SHH: variants seen among roughly 807,000 people sequenced by gnomAD.
The protein encoded by SHH is sonic hedgehog protein.
Under a neutral mutation model 16.6 loss-of-function variants are expected in SHH, and 3 were observed. The ratio of observed to expected loss-of-function variants is 0.18; its 90% CI spans 0.08 to 0.47. The LOEUF (loss-of-function observed/expected upper bound fraction) is 0.47. Among genes scored for constraint, SHH ranks in the 20% least tolerant of loss-of-function variants. The pLI is 0.98. For synonymous variants in SHH, 351 were observed against 316.2 expected, an observed-to-expected ratio of 1.11 and a Z score of -1.17; for missense variants, 499 against 665.0, an observed-to-expected ratio of 0.75 and a Z score of 2.75.
At chr7:155,811,099 G>A (rs2117150090) in intron 1 of SHH, among the ~76,000 whole-genome samples, 1 of 151,584 alleles carries the variant, frequency 6.6e-6, no homozygotes, top group South Asian at 2.1e-4. Flanking sequence ...AAGGTACCTC[G>A]GGCTTGGAAG....
chr7:155,803,584 G>A lies in SHH; in HGVS notation c.705C>T (p.Tyr235=). ...GGTCCAGGAAAGTGAGGAAGTCGCT[G>A]TAGAGCAGCCGGCCCTGGTCGTCCG... ...LAADDQGRLL[Y]SDFLTFLDRD... is the part of the protein sequence containing the mutation. Residue 235 remains tyrosine (Y), a synonymous_variant, in exon 3 of 3, where the codon TAC becomes TAT. Coordinates refer to ENST00000297261, the MANE Select transcript of SHH (RefSeq NM_000193.4). 1.3e-6 allele frequency: 2 copies of A among 1,598,410 alleles called. No homozygotes were observed. Among genetic ancestry groups the A allele is most frequent in the Non-Finnish European group, 1.7e-6 (2 of 1,179,434 alleles).
Position 155,800,709 on chromosome 7 carries a change from G to A in SHH, c.*2191C>T. On this transcript the variant is annotated 3_prime_UTR_variant, in exon 3 of 3. Transcript: ENST00000297261. Reference sequence around the variant, plus strand: ...AAGTCTTTTACAGAAAAAGGCTGAGGACTGCTCCTGAGGAGAGGGCTCCAG... The same window carrying A: ...AAGTCTTTTACAGAAAAAGGCTGAGAACTGCTCCTGAGGAGAGGGCTCCAG... 1 of 463,182 alleles carries A rather than the reference G, an allele frequency of 2.2e-6. No homozygotes were observed. The highest frequency in any genetic ancestry group is 1.6e-5 in the South Asian group (1 of 64,186). The allele number at this position is 463,182 out of a possible 1,614,324, so 28.7% of individuals were successfully genotyped here. A position where few individuals can be genotyped will look rare whatever the true frequency, so the allele number is the denominator to read the frequency against.
intron 1 of SHH, among the ~76,000 whole-genome samples, chr7:155,810,391 C>T (rs754408040): frequency 9.9e-5 from 15 of 152,248 alleles, no homozygotes; most frequent in Non-Finnish European, 1.5e-4. Flanking sequence ...CCCTCCTCCG[C>T]GGGGAGTGAG....
Position 155,807,023 on chromosome 7 carries a change from C to CA in SHH, c.301-467_301-466insT, listed in dbSNP as rs1803384091. On this transcript the variant is annotated intron_variant, in intron 1 of 2. Transcript: ENST00000297261. This position sits in a 1 kb window ranked among gnomAD's most constrained non-coding sequence, Gnocchi z 7.1. ...CCTCCACCTTCTCCCCGCGTAGAAT[C>CA]CCTCACAGCAGGCCTGACAGAGACC... The CA allele has an allele frequency of 1.1e-5, 3 of 273,172 alleles. No homozygotes were observed. The highest frequency in any genetic ancestry group is 9.7e-5 in the Admixed American group (2 of 20,564). 16.9% of individuals were successfully genotyped at this position (273,172 alleles called of 1,614,324 possible). A position where few individuals can be genotyped will look rare whatever the true frequency, so the allele number is the denominator to read the frequency against.
chr7:155,803,619 C>T lies in SHH; in HGVS notation c.670G>A (p.Val224Met). 1 of 1,598,472 alleles carries T rather than the reference C, an allele frequency of 6.3e-7. No individual in the cohort carries two copies. Among genetic ancestry groups the T allele is most frequent in the Non-Finnish European group, 8.5e-7 (1 of 1,179,536 alleles). The change falls in exon 3 of 3, where the codon GTG becomes ATG. Residue 224 changes from valine (V) to methionine (M), a missense_variant. Physicochemically the swap from Val to Met is conservative, Grantham distance 21. Coordinates refer to ENST00000297261, the MANE Select transcript of SHH (RefSeq NM_000193.4). Reference sequence around the variant, plus strand: ...CGGCCCTGGTCGTCCGCCGCCAGCACGCGGTCCCCGGGGCTCAGGTCCTTC... The same window carrying T: ...CGGCCCTGGTCGTCCGCCGCCAGCATGCGGTCCCCGGGGCTCAGGTCCTTC... ...LVKDLSPGDRVLAADDQGRLL... is the reference protein window; with the variant it reads ...LVKDLSPGDRMLAADDQGRLL...
chr7:155,803,286 C>T lies in SHH; in HGVS notation c.1003G>A (p.Val335Met). 6.7e-7 allele frequency: 1 copy of T among 1,497,930 alleles called. No homozygotes were observed. Among genetic ancestry groups the T allele is most frequent in the Non-Finnish European group, 8.8e-7 (1 of 1,131,342 alleles). 92.8% of individuals were successfully genotyped at this position (1,497,930 alleles called of 1,614,324 possible). ...RRLLPAAVHS[V>M]TLSEEAAGAY... ...CCCGCGGCCTCCTCGCTTAGGGTCA[C>T]GCTGTGCACAGCGGCGGGCAGGAGC... The change falls in exon 3 of 3, where the codon GTG becomes ATG. Residue 335 changes from valine (V) to methionine (M), a missense_variant. Val to Met is a conservative substitution (Grantham distance 21, BLOSUM62 1). Transcript: ENST00000297261.
Position 155,803,104 on chromosome 7 carries a change from C to G in SHH, c.1185G>C (p.Thr395=), listed in dbSNP as rs1318524372. 1 of 1,344,590 alleles carries G rather than the reference C, an allele frequency of 7.4e-7. No homozygotes were observed. The highest frequency in any genetic ancestry group is 1.5e-5 in the African/African-American group (1 of 65,424). 83.3% of individuals were successfully genotyped at this position (1,344,590 alleles called of 1,614,324 possible). A position where few individuals can be genotyped will look rare whatever the true frequency, so the allele number is the denominator to read the frequency against. Residue 395 remains threonine, a synonymous_variant, in exon 3 of 3, where the codon ACG becomes ACC. Transcript: ENST00000297261. ...CGCCGCCGCTGTCCCCGCCGCGGTC[C>G]GTGCGCGCGGGCGCCAGTGCAGCCA... ...ALLAALAPAR[T]DRGGDSGGGD... is the part of the protein sequence containing the mutation.
At position 155,802,742 on chromosome 7, in the gene SHH, T is replaced by C; in HGVS notation, c.*158A>G. ...ACAACAAAACTTCCCGGGGTCCTTG[T>C]TTCCTTAGAGTCTACTTTGGACTGT... On this transcript the variant is annotated 3_prime_UTR_variant, in exon 3 of 3. Coordinates refer to ENST00000297261, the MANE Select transcript of SHH (RefSeq NM_000193.4). The C allele has an allele frequency of 4.5e-6, 2 of 447,338 alleles. No homozygotes were observed. The highest frequency in any genetic ancestry group is 3.7e-6 in the Non-Finnish European group (1 of 270,830). 27.7% of individuals were successfully genotyped at this position (447,338 alleles called of 1,614,324 possible). A position where few individuals can be genotyped will look rare whatever the true frequency, so the allele number is the denominator to read the frequency against.
Position 155,809,813 on chromosome 7 carries a change from C to G in SHH, c.300+2010G>C, listed in dbSNP as rs895624476. Among the ~76,000 whole-genome samples the G allele has an allele frequency of 1.3e-5, 2 of 151,820 alleles. No individual in the cohort carries two copies. The highest frequency in any genetic ancestry group is 2.9e-5 in the Non-Finnish European group (2 of 67,906). ...CGCGGGGCCGCTGGGCCCTGCGTCC[C>G]CCGGCAGGGCGGACGGGGGTCGGGG... is the stretch of plus-strand genomic sequence containing the variant. On this transcript the variant is annotated intron_variant, in intron 1 of 2. Transcript: ENST00000297261. This position sits in a 1 kb window ranked among gnomAD's most constrained non-coding sequence, Gnocchi z 6.1.
chr7:155,803,743 G>C lies in SHH; in HGVS notation c.563-17C>G, dbSNP rs762264968. On this transcript the variant is annotated splice_polypyrimidine_tract_variant and intron_variant, in intron 2 of 2. Coordinates refer to ENST00000297261, the MANE Select transcript of SHH (RefSeq NM_000193.4). ...CCGAGTTCTCTGCGGGTGAGGAGAA[G>C]GGAAAGAAGAGAGGACAGGGCATTG... 1.3e-6 allele frequency: 2 copies of C among 1,588,904 alleles called. No individual in the cohort carries two copies. The highest frequency in any genetic ancestry group is 4.5e-5 in the East Asian group (2 of 44,754).
chr7:155,802,870 C>CCA lies in SHH; in HGVS notation c.*29_*30insTG. The CCA allele has an allele frequency of 2.1e-5, 19 of 907,774 alleles. No individual in the cohort carries two copies. Among genetic ancestry groups the CCA allele is most frequent in the East Asian group, 3.3e-5 (1 of 30,056 alleles). 56.2% of individuals were successfully genotyped at this position (907,774 alleles called of 1,614,324 possible). A position where few individuals can be genotyped will look rare whatever the true frequency, so the allele number is the denominator to read the frequency against. On this transcript the variant is annotated 3_prime_UTR_variant, in exon 3 of 3. Transcript: ENST00000297261. ...TGCTGTTGCTGCCCCGCCCCGCCCC[C>CCA]TCCCGCGCCCCTCCCCCGGCCCCCC...
chr7:155,802,561 C>T lies in SHH; in HGVS notation c.*339G>A, dbSNP rs373946622. The T allele has an allele frequency of 3.6e-5, 7 of 194,324 alleles. No homozygotes were observed. In the East Asian group the frequency reaches 4.4e-4, roughly 12 times the overall value. The allele number at this position is 194,324 out of a possible 1,614,324, so 12.0% of individuals were successfully genotyped here. ...GTTCACATGATCATAATAAATTATC[C>T]AAGAAACAAACTATTTAAGGCTCTT... On this transcript the variant is annotated 3_prime_UTR_variant, in exon 3 of 3. Coordinates refer to ENST00000297261, the MANE Select transcript of SHH (RefSeq NM_000193.4).
chr7:155,803,014 A>T lies in SHH; in HGVS notation c.1275T>A (p.Gly425=). The change falls in exon 3 of 3, where the codon GGT becomes GGA. Residue 425 remains glycine (G), a synonymous_variant. Transcript: ENST00000297261. The part of the protein sequence containing the change: ...LTAPGAADAP[G]AGATAGIHWY... ...AGTGGATGCCCGCGGTGGCCCCCGCACCCGGAGCGTCGGCAGCACCTGGAG... is the reference window on the plus strand; with the variant it reads ...AGTGGATGCCCGCGGTGGCCCCCGCTCCCGGAGCGTCGGCAGCACCTGGAG... 1 of 1,544,270 alleles carries T rather than the reference A, an allele frequency of 6.5e-7. No homozygotes were observed. The highest frequency in any genetic ancestry group is 1.9e-5 in the Admixed American group (1 of 52,982).
In SHH at chr7:155,803,297, G is replaced by A. The variant is rs761511825; in HGVS notation, c.992C>T (p.Ala331Val). Residue 331 changes from alanine (A) to valine (V), a missense_variant, in exon 3 of 3, where the codon GCT (alanine) becomes GTT (valine). Coordinates refer to ENST00000297261, the MANE Select transcript of SHH (RefSeq NM_000193.4). ...RDGDRRLLPA[A>V]VHSVTLSEEA... is the part of the protein sequence containing the mutation. ...CTCGCTTAGGGTCACGCTGTGCACA[G>A]CGGCGGGCAGGAGCCGGCGGTCCCC... The A allele has an allele frequency of 2.0e-6, 3 of 1,486,976 alleles. No individual in the cohort carries two copies. The highest frequency in any genetic ancestry group is 2.3e-5 in the Admixed American group (1 of 42,922). The allele number at this position is 1,486,976 out of a possible 1,614,324, so 92.1% of individuals were successfully genotyped here. A position where few individuals can be genotyped will look rare whatever the true frequency, so the allele number is the denominator to read the frequency against.
rs964917996 is a variant in SHH, at chr7:155,802,183, T to C, written c.*717A>G. 7 of 149,842 alleles carry C rather than the reference T, an allele frequency of 4.7e-5. No individual in the cohort carries two copies. The highest frequency in any genetic ancestry group is 6.7e-5 in the Admixed American group (1 of 14,954). 9.3% of individuals were successfully genotyped at this position (149,842 alleles called of 1,614,324 possible). ...TCCAAGAATGTGGCAAAATGGTGAA[T>C]ACAAAGGGAATATGAAACCATAAAG... On this transcript the variant is annotated 3_prime_UTR_variant, in exon 3 of 3. Transcript: ENST00000297261.
chr7:155,811,672 A>T, intron 1 of SHH, 151 bp downstream of exon 1: 1 of 814,732 alleles, frequency 1.2e-6, no homozygotes, highest in Non-Finnish European at 2.2e-6. Context: ...GAAGAGGAAG[A>T]GATGGGGGGC....
At chr7:155,804,565 C>A (rs1237956580) in intron 2 of SHH, among the ~76,000 whole-genome samples, 1 of 151,778 alleles carries the variant, frequency 6.6e-6, no homozygotes, top group Non-Finnish European at 1.5e-5. Flanking sequence ...AACCCCCCCC[C>A]ACCCCGTGTG....
chr7:155,803,060 C>T lies in SHH; in HGVS notation c.1229G>A (p.Gly410Asp), dbSNP rs1803235448. 2 of 1,405,418 alleles carry T rather than the reference C, an allele frequency of 1.4e-6. No homozygotes were observed. The allele number at this position is 1,405,418 out of a possible 1,614,324, so 87.1% of individuals were successfully genotyped here. The change falls in exon 3 of 3, where the codon GGC becomes GAC. Residue 410 changes from glycine to aspartate, a missense_variant. Physicochemically the swap from Gly to Asp is moderately conservative, Grantham distance 94. Coordinates refer to ENST00000297261, the MANE Select transcript of SHH (RefSeq NM_000193.4). ...TGGAGCGGTTAGGGCTACTCTGCCG[C>T]CGCCGCCCCCGCGGTCCCCGCCGCC... ...DSGGGDRGGG[G>D]GRVALTAPGA...
intron 1 of SHH, among the ~76,000 whole-genome samples, chr7:155,808,047 A>G (rs1301082380): frequency 6.6e-6 from 1 of 152,146 alleles, no homozygotes; most frequent in Non-Finnish European, 1.5e-5. Context: ...ATCTGGCAGC[A>G]ATAAAACCCA....
Sources: allele counts gnomAD v4.1 joint callset (sites outside exome capture counted in the v4.1 genomes callset), GRCh38; gene constraint gnomAD v4.1.1; non-coding constraint Gnocchi (gnomAD v3.1); transcripts MANE v1.5; gene names NCBI Gene and HGNC (gene_info 2026-07-23, HGNC 2026-07-21).